RANBP2: variants seen among roughly 807,000 people sequenced by gnomAD.
RANBP2 encodes E3 SUMO-protein ligase RanBP2.
A neutral mutation model predicts 303.6 loss-of-function variants in RANBP2; 57 were observed. The ratio of observed to expected loss-of-function variants is 0.19; its 90% CI spans 0.15 to 0.23. The LOEUF is 0.23. RANBP2 is among the 10% of genes least tolerant of loss of function. RANBP2 has a pLI of 1.00. For missense variants in RANBP2, 3,138 were observed against 3,780.8 expected (o/e 0.83, Z 4.46); for synonymous variants, 1,167 against 1,301.5 (o/e 0.90, Z 2.23).
the RANBP2 span, among the ~76,000 whole-genome samples, chr2:109,068,081 C>A: frequency 2.6e-5 from 4 of 152,262 alleles, no homozygotes; most frequent in Non-Finnish European, 5.9e-5. Context: ...GTGAAGCTGC[C>A]CTGACTGCTG....
the RANBP2 span, among the ~76,000 whole-genome samples, chr2:109,701,669 G>A: frequency 3.9e-5 from 6 of 152,278 alleles, no homozygotes; most frequent in Admixed American, 1.3e-4. Context: ...AGTTCTGTCC[G>A]CTCTTTGTCC....
the RANBP2 span, among the ~76,000 whole-genome samples, chr2:109,683,015 C>A: frequency 6.6e-6 from 1 of 152,102 alleles, no homozygotes; most frequent in African/African-American, 2.4e-5. Flanking sequence ...TATACTTTTC[C>A]TTTATTTGGA....
the RANBP2 span, among the ~76,000 whole-genome samples, chr2:109,201,835 A>G: frequency 3.3e-5 from 5 of 152,222 alleles, no homozygotes; most frequent in Admixed American, 6.5e-5. Context: ...TAAATGGGGC[A>G]TAGTGCCCTC....
At chr2:109,273,770 A>G in the RANBP2 span, among the ~76,000 whole-genome samples, 92 of 152,316 alleles carry the variant, frequency 6.0e-4, 1 homozygote, top group East Asian at 0.017. Context: ...ATATGGTGAC[A>G]GGGTATGCAG....
the RANBP2 span, among the ~76,000 whole-genome samples, chr2:108,974,203 G>T: frequency 6.6e-6 from 1 of 151,582 alleles, no homozygotes; most frequent in African/African-American, 2.4e-5. Flanking sequence ...GGTGGCAGGC[G>T]CCTGTAGTCC....
the RANBP2 span, among the ~76,000 whole-genome samples, chr2:108,885,879 G>C: frequency 6.6e-6 from 1 of 152,038 alleles, no homozygotes; most frequent in African/African-American, 2.4e-5. Context: ...TGTTTTGCTT[G>C]GCTGTTTTCA....
chr2:109,223,445 C>T, the RANBP2 span, among the ~76,000 whole-genome samples: 1 of 152,204 alleles, frequency 6.6e-6, no homozygotes, highest in East Asian at 1.9e-4. Context: ...TCGGTTATTT[C>T]AGGCATTGTC....
chr2:109,534,066 A>G, the RANBP2 span, among the ~76,000 whole-genome samples: 2 of 152,200 alleles, frequency 1.3e-5, no homozygotes, highest in Non-Finnish European at 2.9e-5. Flanking sequence ...CCTCAGGGAC[A>G]GTACTAGCTG....
the RANBP2 span, among the ~76,000 whole-genome samples, chr2:109,562,084 A>G: frequency 6.6e-6 from 1 of 151,912 alleles, no homozygotes; most frequent in East Asian, 1.9e-4. Context: ...GTGGTGGTGC[A>G]TGCCTATAGT....
the RANBP2 span, among the ~76,000 whole-genome samples, chr2:109,389,413 C>G: frequency 6.6e-6 from 1 of 152,260 alleles, no homozygotes; most frequent in African/African-American, 2.4e-5. Context: ...CATTTGACAT[C>G]TTGACCGAGG....
the RANBP2 span, among the ~76,000 whole-genome samples, chr2:109,079,196 T>C: frequency 4.6e-5 from 7 of 152,126 alleles, no homozygotes; most frequent in Non-Finnish European, 8.8e-5. Flanking sequence ...ACGAGGAGGA[T>C]GAGGACCTTT....
At chr2:108,824,852 G>A in the RANBP2 span, among the ~76,000 whole-genome samples, 1 of 152,072 alleles carries the variant, frequency 6.6e-6, no homozygotes, top group African/African-American at 2.4e-5. Flanking sequence ...CTAAGTGATA[G>A]GAATTTTTAG....
the RANBP2 span, chr2:109,617,430 G>A: frequency 6.0e-6 from 1 of 167,036 alleles, no homozygotes; most frequent in African/African-American, 2.4e-5. Context: ...ATTTATATTA[G>A]AGTAAATGGC....
At chr2:109,540,338 T>C in the RANBP2 span, among the ~76,000 whole-genome samples, 6 of 152,084 alleles carry the variant, frequency 3.9e-5, no homozygotes, top group East Asian at 3.9e-4. Context: ...GCTTGTCCTA[T>C]CATACACAAG....
At chr2:109,430,412 T>G in the RANBP2 span, among the ~76,000 whole-genome samples, 9 of 152,236 alleles carry the variant, frequency 5.9e-5, no homozygotes, top group African/African-American at 1.9e-4. Flanking sequence ...TCTTCTGCCT[T>G]CCTTTGCCTC....
the RANBP2 span, among the ~76,000 whole-genome samples, chr2:109,416,542 G>A: frequency 2.0e-5 from 3 of 152,044 alleles, no homozygotes; most frequent in Non-Finnish European, 4.4e-5. Flanking sequence ...GCGCCATCAT[G>A]CCTGGCTAAT....
the RANBP2 span, among the ~76,000 whole-genome samples, chr2:109,201,990 A>G: frequency 6.6e-6 from 1 of 152,192 alleles, no homozygotes; most frequent in Non-Finnish European, 1.5e-5. Context: ...AATATGTCCA[A>G]AGGAAACGGG....
chr2:108,719,792 G>C, intron 1 of RANBP2, 114 bp downstream of exon 1: 5 of 1,502,976 alleles, frequency 3.3e-6, no homozygotes, highest in East Asian at 5.0e-5. Context: ...CTGTTGAGGC[G>C]CCGGCCGGCT....
chr2:108,771,248 A>G (rs1218565683), intron 20 of RANBP2, among the ~76,000 whole-genome samples: 1 of 151,388 alleles, frequency 6.6e-6, no homozygotes, highest in African/African-American at 2.4e-5. Flanking sequence ...CCTTACAGAA[A>G]CTAATCACAG....
Sources: allele counts gnomAD v4.1 joint callset (sites outside exome capture counted in the v4.1 genomes callset), GRCh38; gene constraint gnomAD v4.1.1; transcripts MANE v1.5; gene names NCBI Gene and HGNC (gene_info 2026-07-23, HGNC 2026-07-21).